CDIN1: variants seen among roughly 807,000 people sequenced by gnomAD.
CDIN1 encodes the protein CDAN1-interacting nuclease 1.
In CDIN1, 33 loss-of-function variants were observed where a neutral mutation model predicts 45.3. The observed-to-expected ratio is 0.73, with a 90% confidence interval of 0.55 to 0.97. The LOEUF (loss-of-function observed/expected upper bound fraction) is 0.97, where lower values mean the gene tolerates loss of function less well. CDIN1 is among the 50% of genes least tolerant of loss of function. The probability of loss-of-function intolerance (pLI) is 0.00; values close to 1 mark genes in which losing one functional copy is unlikely to be tolerated. For missense variants in CDIN1, 303 were observed against 339.4 expected, an observed-to-expected ratio of 0.89 and a Z score of 0.84; for synonymous variants, 118 against 124.4, an observed-to-expected ratio of 0.95 and a Z score of 0.34.
intron 1 of CDIN1, chr15:36,618,136 C>CAT: frequency 1.4e-6 from 1 of 715,580 alleles, no homozygotes; most frequent in Admixed American, 2.0e-5. Flanking sequence ...TTGTGAATGG[C>CAT]ATTAATTCAC....
At chr15:36,749,783 CCTAT>C (rs140097588) in intron 10 of CDIN1, among the ~76,000 whole-genome samples, 3,389 of 152,234 alleles carry the variant, frequency 0.022, 116 homozygotes, top group African/African-American at 0.078. Context: ...CTGATTTTCT[CCTAT>C]CTATGTTATT....
rs529284067 is a variant in CDIN1, at chr15:36,604,126, C to T, written c.101+24165C>T. ...GTTCGGGTGTGATCTTAAAATTGGG[C>T]AGCTTGCCTTCTGCTTCAATGCTTG... On this transcript the variant is annotated intron_variant, in intron 1 of 10. Coordinates refer to ENST00000566621, the MANE Select transcript of CDIN1 (RefSeq NM_001321759.2). Among the ~76,000 whole-genome samples the T allele has an allele frequency of 1.7e-3, 265 of 152,206 alleles. 14 individuals carry two copies. In the South Asian group the frequency reaches 0.054, roughly 31 times the overall value.
intron 10 of CDIN1, among the ~76,000 whole-genome samples, chr15:36,759,286 A>G (rs1276867929): frequency 6.6e-6 from 1 of 152,260 alleles, no homozygotes; most frequent in South Asian, 2.1e-4. Context: ...GCCCCAGGCC[A>G]TGGGTTCTGT....
At chr15:36,804,461 T>C (rs1420987218) in intron 10 of CDIN1, 4 of 152,004 alleles carry the variant, frequency 2.6e-5, no homozygotes, top group African/African-American at 9.7e-5. Context: ...TGAGGGTATC[T>C]TTCATGTACC....
intron 10 of CDIN1, among the ~76,000 whole-genome samples, chr15:36,786,423 T>G (rs2054492852): frequency 6.6e-6 from 1 of 152,242 alleles, no homozygotes; most frequent in Non-Finnish European, 1.5e-5. Context: ...GTTTGTTCAC[T>G]GTGTGTATCG....
intron 10 of CDIN1, among the ~76,000 whole-genome samples, chr15:36,773,727 A>T (rs1395815907): frequency 6.6e-6 from 1 of 152,260 alleles, no homozygotes; most frequent in Non-Finnish European, 1.5e-5. Context: ...ATGGCTAGAT[A>T]TTATTATAGT....
At chr15:36,771,403 A>G (rs917376438) in intron 10 of CDIN1, among the ~76,000 whole-genome samples, 1 of 152,180 alleles carries the variant, frequency 6.6e-6, no homozygotes, top group East Asian at 1.9e-4. Flanking sequence ...ATAATAATAC[A>G]TACACAGGCA....
At chr15:36,609,114 G>A (rs576037695) in intron 1 of CDIN1, among the ~76,000 whole-genome samples, 4 of 152,236 alleles carry the variant, frequency 2.6e-5, no homozygotes, top group African/African-American at 9.6e-5. Flanking sequence ...ACGCTCCGGT[G>A]ATGCTTCTGC....
At chr15:36,637,777 C>G (rs963950376) in intron 1 of CDIN1, among the ~76,000 whole-genome samples, 1 of 152,176 alleles carries the variant, frequency 6.6e-6, no homozygotes, top group Admixed American at 6.5e-5. Flanking sequence ...ATTAACATGG[C>G]TAACTCTCAC....
At chr15:36,603,579 A>G (rs1411713012) in intron 1 of CDIN1, among the ~76,000 whole-genome samples, 7 of 152,310 alleles carry the variant, frequency 4.6e-5, no homozygotes, top group African/African-American at 1.7e-4. Context: ...AGGGTTTGAA[A>G]TAGGATGAAA....
intron 7 of CDIN1, among the ~76,000 whole-genome samples, chr15:36,693,168 G>A (rs141055667): frequency 0.014 from 2,131 of 152,148 alleles, 20 homozygotes; most frequent in Non-Finnish European, 0.025. Context: ...GCTTAGAGTC[G>A]TAACATTTTT....
intron 10 of CDIN1, among the ~76,000 whole-genome samples, chr15:36,804,130 C>T (rs1237674749): frequency 6.6e-6 from 1 of 152,056 alleles, no homozygotes; most frequent in Non-Finnish European, 1.5e-5. Context: ...ATTGTACCAA[C>T]CTCATGGAGT....
intron 5 of CDIN1, among the ~76,000 whole-genome samples, chr15:36,672,213 A>C (rs960577853): frequency 6.6e-6 from 1 of 151,964 alleles, no homozygotes; most frequent in Non-Finnish European, 1.5e-5. Flanking sequence ...TTCTTTTTCT[A>C]TGAAACATGT....
chr15:36,673,046 A>G (rs1396796155), intron 5 of CDIN1, among the ~76,000 whole-genome samples: 2 of 152,120 alleles, frequency 1.3e-5, no homozygotes, highest in Admixed American at 6.6e-5. Context: ...GAGCAGGTGT[A>G]AGCAGATTAG....
intron 10 of CDIN1, among the ~76,000 whole-genome samples, chr15:36,730,124 T>C (rs2043786619): frequency 6.6e-6 from 1 of 152,182 alleles, no homozygotes; most frequent in Non-Finnish European, 1.5e-5. Flanking sequence ...TACAATTTCA[T>C]GTTAATCATC....
At chr15:36,697,464 C>T (rs1055067649) in intron 8 of CDIN1, 74 bp downstream of exon 8, 57 of 1,222,304 alleles carry the variant, frequency 4.7e-5, no homozygotes, top group Non-Finnish European at 6.4e-5. Flanking sequence ...AAAAATCTTC[C>T]ACTAAAGGAA....
intron 1 of CDIN1, among the ~76,000 whole-genome samples, chr15:36,640,873 T>A (rs965946077): frequency 1.3e-5 from 2 of 152,224 alleles, no homozygotes; most frequent in Non-Finnish European, 2.9e-5. Flanking sequence ...TTGTTGCCTG[T>A]TTTTATATCA....
At chr15:36,583,756 C>T (rs1413732508) in intron 1 of CDIN1, among the ~76,000 whole-genome samples, 2 of 152,180 alleles carry the variant, frequency 1.3e-5, no homozygotes, top group Non-Finnish European at 2.9e-5. Context: ...GTGGCTCAAG[C>T]CTGTAATCCC....
At chr15:36,773,540 C>A (rs2054133408) in intron 10 of CDIN1, among the ~76,000 whole-genome samples, 1 of 152,182 alleles carries the variant, frequency 6.6e-6, no homozygotes, top group South Asian at 2.1e-4. Context: ...TTCATTCTGA[C>A]ATAAATGGCT....
Sources: gnomAD v4.1 joint callset for allele counts (sites outside exome capture counted in the v4.1 genomes callset) on GRCh38, gnomAD v4.1.1 for gene constraint, MANE v1.5 for transcripts, NCBI Gene and HGNC (gene_info 2026-07-23, HGNC 2026-07-21) for gene names.